The following THSD7B variants were observed in gnomAD, a reference collection of about 807,000 sequenced individuals.
The protein encoded by THSD7B is thrombospondin type 1 domain containing 7B.
THSD7B carries 138 observed loss-of-function variants against 213.6 expected under a neutral mutation model. The ratio of observed to expected loss-of-function variants is 0.65; its 90% confidence interval spans 0.56 to 0.74. The LOEUF is 0.74. THSD7B is among the 30% of genes least tolerant of loss of function. The pLI is 0.00. For missense variants in THSD7B, 1,931 were observed against 1,991.5 expected (o/e 0.97, Z 0.58); for synonymous variants, 742 against 687.0 (o/e 1.08, Z -1.25).
chr2:137,517,562 C>T (rs1366214568), intron 15 of THSD7B, among the ~76,000 whole-genome samples: 1 of 152,186 alleles, frequency 6.6e-6, no homozygotes, highest in Non-Finnish European at 1.5e-5. Flanking sequence ...ATTTTGGAGG[C>T]AACACATTCC....
chr2:137,650,055 T>C, intron 21 of THSD7B, among the ~76,000 whole-genome samples: 1 of 152,194 alleles, frequency 6.6e-6, no homozygotes, highest in Middle Eastern at 3.2e-3. Context: ...TGAGTCCCGA[T>C]TATGCCACTG....
chr2:137,365,308 T>C (rs1685382441), intron 12 of THSD7B, among the ~76,000 whole-genome samples: 1 of 152,200 alleles, frequency 6.6e-6, no homozygotes, highest in African/African-American at 2.4e-5. Context: ...ACCTAGGCAA[T>C]GCCATTTAGG....
chr2:137,105,111 A>C (rs977218360), intron 4 of THSD7B, among the ~76,000 whole-genome samples: 2 of 152,122 alleles, frequency 1.3e-5, no homozygotes, highest in Non-Finnish European at 2.9e-5. Flanking sequence ...ACAACAACAA[A>C]AGAATTTCAG....
chr2:137,166,437 C>T (rs1355505798), intron 6 of THSD7B, among the ~76,000 whole-genome samples: 1 of 152,122 alleles, frequency 6.6e-6, no homozygotes, highest in African/African-American at 2.4e-5. Context: ...CCTTTTCAGA[C>T]ATATACTAGA....
At chr2:137,673,385 C>T (rs1164926735) in intron 27 of THSD7B, among the ~76,000 whole-genome samples, 1 of 152,168 alleles carries the variant, frequency 6.6e-6, no homozygotes, top group Non-Finnish European at 1.5e-5. Context: ...GATGAGGCTA[C>T]ACCTCAGCTC....
intron 3 of THSD7B, among the ~76,000 whole-genome samples, chr2:137,072,917 C>T (rs568675920): frequency 1.2e-4 from 19 of 152,108 alleles, no homozygotes; most frequent in East Asian, 5.8e-4. Context: ...TATTGATTTA[C>T]GTATGTTGAA....
At chr2:137,496,078 A>G (rs1679558299) in intron 15 of THSD7B, among the ~76,000 whole-genome samples, 1 of 152,196 alleles carries the variant, frequency 6.6e-6, no homozygotes, top group Admixed American at 6.5e-5. Flanking sequence ...AGTCACAAAA[A>G]TTTAAGAGAG....
chr2:137,274,540 C>T (rs1018110796), intron 11 of THSD7B, among the ~76,000 whole-genome samples: 20 of 152,054 alleles, frequency 1.3e-4, no homozygotes, highest in Admixed American at 1.1e-3. Flanking sequence ...CTGACTTATG[C>T]AGCCTGGGAC....
At chr2:136,799,071 A>G (rs1209368951) in intron 1 of THSD7B, among the ~76,000 whole-genome samples, 1 of 152,036 alleles carries the variant, frequency 6.6e-6, no homozygotes, top group Non-Finnish European at 1.5e-5. Flanking sequence ...TCCTGATGAA[A>G]GAACTTCTTT....
chr2:137,170,901 A>G lies in THSD7B; in HGVS notation c.1686A>G (p.Gly562=). The change falls in exon 7 of 28, where the codon GGA becomes GGG. Residue 562 remains glycine, a synonymous_variant. Coordinates refer to ENST00000409968, the MANE Select transcript of THSD7B (RefSeq NM_001316349.2). Reference sequence around the variant, plus strand: ...CTGATCATGGAAAATGTGGCCTGGGACATCGTATTCTGAAGGCCGTCTGCC... The same window carrying G: ...CTGATCATGGAAAATGTGGCCTGGGGCATCGTATTCTGAAGGCCGTCTGCC... ...CFPDHGKCGL[G]HRILKAVCQN... is the part of the protein sequence containing the mutation. The G allele has an allele frequency of 1.9e-6, 3 of 1,613,212 alleles. No individual in the cohort carries two copies. The highest frequency in any genetic ancestry group is 2.5e-6 in the Non-Finnish European group (3 of 1,179,752).
chr2:136,879,801 T>G (rs6712207), intron 1 of THSD7B, among the ~76,000 whole-genome samples: 138,792 of 152,150 alleles, frequency 0.91, 63,530 homozygotes, highest in East Asian at 1. Context: ...ACAAAAAAAG[T>G]CAGGGGTTGC....
intron 1 of THSD7B, among the ~76,000 whole-genome samples, chr2:136,857,105 C>T (rs1367123): frequency 0.79 from 120,020 of 152,182 alleles, 47,619 homozygotes; most frequent in Middle Eastern, 0.94. Flanking sequence ...AGGAACATGA[C>T]TTACCTTTTA....
intron 16 of THSD7B, among the ~76,000 whole-genome samples, chr2:137,571,155 C>T (rs1043077935): frequency 6.6e-6 from 1 of 152,132 alleles, no homozygotes; most frequent in Non-Finnish European, 1.5e-5. Flanking sequence ...ACTTTTCTGA[C>T]TTCTGACACC....
At chr2:136,804,920 C>G (rs984972677) in intron 1 of THSD7B, among the ~76,000 whole-genome samples, 1 of 152,098 alleles carries the variant, frequency 6.6e-6, no homozygotes, top group African/African-American at 2.4e-5. Context: ...AATGGTGTCC[C>G]TACAGTCATT....
At chr2:137,437,004 TCCAA>T (rs1307122665) in intron 14 of THSD7B, among the ~76,000 whole-genome samples, 1 of 152,160 alleles carries the variant, frequency 6.6e-6, no homozygotes, top group African/African-American at 2.4e-5. Flanking sequence ...CCTAATTATT[TCCAA>T]TAGCAGCAAA....
At chr2:137,307,614 C>T (rs1683786289) in intron 12 of THSD7B, among the ~76,000 whole-genome samples, 1 of 151,994 alleles carries the variant, frequency 6.6e-6, no homozygotes, top group South Asian at 2.1e-4. Flanking sequence ...TTAAATGTGT[C>T]CCTAAAAAAG....
At chr2:137,164,110 C>T (rs35667835) in intron 6 of THSD7B, among the ~76,000 whole-genome samples, 22,739 of 152,010 alleles carry the variant, frequency 0.15, 1,806 homozygotes, top group African/African-American at 0.19. Flanking sequence ...TGGGATGTAT[C>T]TAGTGCCAGT....
rs143944027 is a variant in THSD7B, at chr2:137,058,380, G to A, written c.950+1150G>A. Among the ~76,000 whole-genome samples the A allele has an allele frequency of 6.1e-3, 928 of 152,084 alleles. 1 individual carries two copies. The highest frequency in any genetic ancestry group is 9.3e-3 in the Non-Finnish European group (633 of 67,976). On this transcript the variant is annotated intron_variant, in intron 3 of 27. Transcript: ENST00000409968. The stretch of plus-strand genomic sequence containing the variant: ...AAATACATTGTTTTCTTAATATTCC[G>A]TACTGTATTGCTGAAGTGAGCATTA...
chr2:137,420,059 A>G (rs1033198571), intron 14 of THSD7B, among the ~76,000 whole-genome samples: 1 of 152,108 alleles, frequency 6.6e-6, no homozygotes, highest in Non-Finnish European at 1.5e-5. Flanking sequence ...TTACATTCCC[A>G]CTAACAGTGT....
Sources: gnomAD v4.1 joint callset for allele counts (sites outside exome capture counted in the v4.1 genomes callset) on GRCh38, gnomAD v4.1.1 for gene constraint, MANE v1.5 for transcripts, NCBI Gene and HGNC (gene_info 2026-07-23, HGNC 2026-07-21) for gene names.